The following ADAM2 variants were observed in gnomAD, a reference collection of about 807,000 sequenced individuals.
ADAM2 encodes the protein ADAM metallopeptidase domain 2, also known as disintegrin and metalloproteinase domain-containing protein 2.
ADAM2 carries 101 observed loss-of-function variants against 99.3 expected under a neutral mutation model. The ratio of observed to expected loss-of-function variants is 1.02; its 90% confidence interval spans 0.87 to 1.20. The LOEUF (loss-of-function observed/expected upper bound fraction) is 1.20, where lower values mean the gene tolerates loss of function less well. Among genes scored for constraint, ADAM2 ranks in the 50% most tolerant of loss-of-function variants. The pLI, the probability that ADAM2 is intolerant of heterozygous loss-of-function variation, is 0.00. For missense variants in ADAM2, 948 were observed against 878.7 expected (o/e 1.08, Z -1.00); for synonymous variants, 323 against 287.6 (o/e 1.12, Z -1.25).
At chr8:39,813,119 A>G (rs1804773375) in intron 6 of ADAM2, among the ~76,000 whole-genome samples, 1 of 152,248 alleles carries the variant, frequency 6.6e-6, no homozygotes. Context: ...GGATATGAAC[A>G]GACACTTCTC....
intron 11 of ADAM2, among the ~76,000 whole-genome samples, chr8:39,770,453 C>G (rs1802738136): frequency 6.6e-6 from 1 of 152,142 alleles, no homozygotes. Flanking sequence ...TCCCAACACT[C>G]TTGATTCTTC....
chr8:39,744,856 C>T lies in ADAM2; in HGVS notation c.*4G>A. ...GTGATATCATGGCATCTCTGTTGTCCAGACTACCCTTTAGGTTCACTCTCA... is the reference window on the plus strand; with the variant it reads ...GTGATATCATGGCATCTCTGTTGTCTAGACTACCCTTTAGGTTCACTCTCA... On this transcript the variant is annotated 3_prime_UTR_variant, in exon 20 of 21. Coordinates refer to ENST00000265708, the MANE Select transcript of ADAM2 (RefSeq NM_001464.5). 6.3e-7 allele frequency: 1 copy of T among 1,599,790 alleles called. No homozygotes were observed. Among genetic ancestry groups the T allele is most frequent in the Non-Finnish European group, 8.5e-7 (1 of 1,174,018 alleles).
chr8:39,819,942 A>G (rs1805109497), intron 6 of ADAM2, among the ~76,000 whole-genome samples: 1 of 152,120 alleles, frequency 6.6e-6, no homozygotes, highest in Non-Finnish European at 1.5e-5. Context: ...TCTTAAGCGG[A>G]CATCTTCTGA....
intron 7 of ADAM2, among the ~76,000 whole-genome samples, chr8:39,796,401 A>G (rs1204296421): frequency 1.3e-5 from 2 of 152,310 alleles, no homozygotes; most frequent in Admixed American, 6.5e-5. Context: ...ATAGTATTCC[A>G]TGGTGTATAT....
intron 16 of ADAM2, among the ~76,000 whole-genome samples, chr8:39,753,056 G>GT (rs1389071316): frequency 6.6e-6 from 1 of 152,154 alleles, no homozygotes; most frequent in Non-Finnish European, 1.5e-5. Flanking sequence ...TTGGAACTGG[G>GT]TAACAGCCAG....
chr8:39,794,201 T>C (rs979062419), intron 7 of ADAM2, among the ~76,000 whole-genome samples: 1 of 152,152 alleles, frequency 6.6e-6, no homozygotes, highest in Non-Finnish European at 1.5e-5. Context: ...TTTATGTATG[T>C]TTGTATGTCA....
intron 7 of ADAM2, among the ~76,000 whole-genome samples, chr8:39,797,358 T>C (rs1214029278): frequency 1.3e-5 from 2 of 152,170 alleles, no homozygotes; most frequent in East Asian, 3.9e-4. Flanking sequence ...CAGATGGTTG[T>C]AGATGTGTAG....
chr8:39,820,976 TAG>T, intron 6 of ADAM2, 24 bp downstream of exon 6: 1 of 1,473,072 alleles, frequency 6.8e-7, no homozygotes. Context: ...GTAATAACCA[TAG>T]AGTTTGTTCA....
chr8:39,814,146 C>T (rs6987296), intron 6 of ADAM2, among the ~76,000 whole-genome samples: 56,458 of 151,538 alleles, frequency 0.37, 11,107 homozygotes, highest in South Asian at 0.6. Flanking sequence ...TCACTTGAGG[C>T]CAAGAGTTCG....
At chr8:39,826,332 A>T (rs980577224) in intron 3 of ADAM2, among the ~76,000 whole-genome samples, 2 of 152,222 alleles carry the variant, frequency 1.3e-5, no homozygotes, top group Non-Finnish European at 2.9e-5. Context: ...AAGAAGACAC[A>T]ATGGGGAAAG....
chr8:39,828,711 A>G (rs1300097632), intron 3 of ADAM2, among the ~76,000 whole-genome samples: 1 of 151,854 alleles, frequency 6.6e-6, no homozygotes, highest in East Asian at 1.9e-4. Flanking sequence ...GAGCATTTAA[A>G]CAAAGAGAAG....
Position 39,766,973 on chromosome 8 carries a change from G to T in ADAM2, c.1382C>A (p.Ser461Ter). 6.2e-7 allele frequency: 1 copy of T among 1,614,152 alleles called. No individual in the cohort carries two copies. The highest frequency in any genetic ancestry group is 1.1e-5 in the South Asian group (1 of 91,080). Reference sequence around the variant, plus strand: ...GTGGTTTTCTGGGCATGATGCAGATGATCCATTGCAATATTCAGGGAGGTC... The same window carrying T: ...GTGGTTTTCTGGGCATGATGCAGATTATCCATTGCAATATTCAGGGAGGTC... ...ECDLPEYCNG[S>*]SASCPENHYV... The change falls in exon 14 of 21, where the codon TCA (serine) becomes TAA (stop). Residue 461 changes from serine to a stop codon, truncating the protein, a stop_gained. Transcript: ENST00000265708. LOFTEE classifies it high-confidence loss of function.
rs566322043 is a variant in ADAM2 at position 39,756,374 on chromosome 8, T to G, written c.1614-463A>C. On this transcript the variant is annotated intron_variant, in intron 15 of 20. Coordinates refer to ENST00000265708, the MANE Select transcript of ADAM2 (RefSeq NM_001464.5). ...ACCATTAATTAATACTACAGGGTTATCACTATATATATCACATAGGTAGTA... is the reference window on the plus strand; with the variant it reads ...ACCATTAATTAATACTACAGGGTTAGCACTATATATATCACATAGGTAGTA... Among the ~76,000 whole-genome samples the G allele has an allele frequency of 2.8e-4, 43 of 152,342 alleles. No individual in the cohort carries two copies. The South Asian group carries it at 3.3e-3, about 12-fold the overall frequency.
In ADAM2 at chr8:39,755,850, T is replaced by C. The variant is rs746177978; in HGVS notation, c.1675A>G (p.Arg559Gly). The change falls in exon 16 of 21, where the codon AGA (arginine) becomes GGA (glycine). Residue 559 changes from arginine (R) to glycine (G), a missense_variant. Transcript: ENST00000265708. ...ATGTTGGCATAAATAATAGTGGCTC[T>C]TGGAATTTGTAATAAAAATTTACCT... ...YVGKFLLQIP[R>G]ATIIYANISG... 6 of 1,601,370 alleles carry C rather than the reference T, an allele frequency of 3.7e-6. No homozygotes were observed. Among genetic ancestry groups the C allele is most frequent in the Non-Finnish European group, 5.1e-6 (6 of 1,169,472 alleles).
intron 11 of ADAM2, among the ~76,000 whole-genome samples, chr8:39,772,254 T>C (rs754313455): frequency 5.3e-5 from 8 of 151,992 alleles, no homozygotes; most frequent in Non-Finnish European, 1.2e-4. Context: ...ATGGAGCCTC[T>C]GGTTGTTAGT....
At chr8:39,766,057 G>A (rs908286752) in intron 14 of ADAM2, among the ~76,000 whole-genome samples, 1 of 152,066 alleles carries the variant, frequency 6.6e-6, no homozygotes, top group Admixed American at 6.6e-5. Flanking sequence ...TTTAACGTCA[G>A]TGCACATCAT....
At chr8:39,775,029 G>A (rs1246765776) in intron 11 of ADAM2, among the ~76,000 whole-genome samples, 3 of 152,008 alleles carry the variant, frequency 2.0e-5, no homozygotes, top group African/African-American at 7.2e-5. Context: ...GTCGATATCA[G>A]CATGTATTAT....
At chr8:39,767,129 T>C in intron 13 of ADAM2, 24 bp downstream of exon 13, 2 of 1,598,984 alleles carry the variant, frequency 1.3e-6, no homozygotes, top group Non-Finnish European at 1.7e-6. Context: ...TAGGTAATAT[T>C]GAAATTTTTC....
intron 9 of ADAM2, among the ~76,000 whole-genome samples, chr8:39,787,773 G>A (rs1803534591): frequency 6.6e-6 from 1 of 151,520 alleles, no homozygotes; most frequent in East Asian, 1.9e-4. Context: ...TATATTTATA[G>A]AATTCAGATG....
Sources: allele counts gnomAD v4.1 joint callset (sites outside exome capture counted in the v4.1 genomes callset), GRCh38; gene constraint gnomAD v4.1.1; transcripts MANE v1.5; gene names NCBI Gene and HGNC (gene_info 2026-07-23, HGNC 2026-07-21).